Variants in DAGLB observed in about 807,000 individuals in gnomAD.
The protein encoded by DAGLB is diacylglycerol lipase-beta.
DAGLB carries 66 observed loss-of-function variants against 72.1 expected under a neutral mutation model. That is an observed-to-expected ratio of 0.92 (90% CI 0.75 to 1.12). The LOEUF is 1.12. DAGLB is among the 50% of genes most tolerant of loss of function. The pLI is 0.00. For missense variants in DAGLB, 1,065 were observed against 884.9 expected, an observed-to-expected ratio of 1.20 and a Z score of -2.58; for synonymous variants, 414 against 359.5, an observed-to-expected ratio of 1.15 and a Z score of -1.71.
rs764337590 is a variant in DAGLB at position 6,409,964 on chromosome 7, ATG to A, written c.1890_1891del (p.Ile631ArgfsTer62). 1 of 1,614,112 alleles carries A rather than the reference ATG, an allele frequency of 6.2e-7. No individual in the cohort carries two copies. Among genetic ancestry groups the A allele is most frequent in the South Asian group, 1.1e-5 (1 of 91,092 alleles). On this transcript the variant is annotated frameshift_variant, in exon 15 of 15. Coordinates refer to ENST00000297056, the MANE Select transcript of DAGLB (RefSeq NM_139179.4). LOFTEE classifies it low-confidence loss of function (END_TRUNC). Reference sequence around the variant, plus strand: ...GTGGTCGGTGAGCATCTTCGGACCTATGAGTATTTTGCTGAATTCCGCTTCGT... The same window carrying A: ...GTGGTCGGTGAGCATCTTCGGACCTAAGTATTTTGCTGAATTCCGCTTCGT...
intron 11 of DAGLB, among the ~76,000 whole-genome samples, chr7:6,414,058 T>C (rs1783823386): frequency 2.0e-5 from 3 of 152,204 alleles, no homozygotes; most frequent in African/African-American, 4.8e-5. Context: ...TCTCCCAGGC[T>C]GGAGTGCAGC....
At chr7:6,410,427 C>G in intron 13 of DAGLB, 47 bp from the exon 14 acceptor site, 1 of 1,548,290 alleles carries the variant, frequency 6.5e-7, no homozygotes, top group African/African-American at 1.4e-5. Context: ...CACCCTCTGT[C>G]ACCCGAGACC....
At chr7:6,428,707 G>A (rs376847197) in intron 6 of DAGLB, among the ~76,000 whole-genome samples, 2 of 152,146 alleles carry the variant, frequency 1.3e-5, no homozygotes, top group Admixed American at 6.6e-5. Flanking sequence ...GGATGGTCTT[G>A]AACTCCTGAC....
chr7:6,412,994 G>A lies in DAGLB; in HGVS notation c.1468C>T (p.Leu490Phe). Residue 490 changes from leucine (L) to phenylalanine (F), a missense_variant, in exon 12 of 15, where the codon CTC becomes TTC. Physicochemically the swap from Leu to Phe is conservative, Grantham distance 22. Transcript: ENST00000297056. ...QEYSQSFIVS[L>F]VLGKDVIPRL... ...GGAATCACATCCTTCCCCAGGACGA[G>A]TGACACGATGAAGCTCTGAGAATAT... 4 of 1,614,016 alleles carry A rather than the reference G, an allele frequency of 2.5e-6. No homozygotes were observed. The South Asian group carries it at 4.4e-5, about 18-fold the overall frequency.
chr7:6,437,172 A>AAT (rs1278829589), intron 2 of DAGLB, among the ~76,000 whole-genome samples: 1 of 147,272 alleles, frequency 6.8e-6, no homozygotes, highest in Non-Finnish European at 1.5e-5. Flanking sequence ...AATAATAATA[A>AAT]TAATAATAAT....
chr7:6,431,309 C>T (rs1302437044), intron 5 of DAGLB, among the ~76,000 whole-genome samples: 3 of 152,062 alleles, frequency 2.0e-5, no homozygotes, highest in Non-Finnish European at 4.4e-5. Context: ...AAAAACATAA[C>T]AACCTGTGGC....
chr7:6,447,278 C>A (rs773409266), intron 1 of DAGLB, among the ~76,000 whole-genome samples: 1 of 152,234 alleles, frequency 6.6e-6, no homozygotes, highest in African/African-American at 2.4e-5. Flanking sequence ...CTGCTTCTCA[C>A]GAAATGCAGC....
In DAGLB at chr7:6,416,813, A is replaced by G. The variant is rs376622836; in HGVS notation, c.1299+28T>C. 6 of 1,614,116 alleles carry G rather than the reference A, an allele frequency of 3.7e-6. No homozygotes were observed. The African/African-American group carries it at 8.0e-5, about 22-fold the overall frequency. On this transcript the variant is annotated intron_variant, in intron 10 of 14. Coordinates refer to ENST00000297056, the MANE Select transcript of DAGLB (RefSeq NM_139179.4). ...AAAAACAACAGCTCCAAAGAGGACAAGGAAAGAAACGTTAACTAAGATCTC... is the reference window on the plus strand; with the variant it reads ...AAAAACAACAGCTCCAAAGAGGACAGGGAAAGAAACGTTAACTAAGATCTC...
chr7:6,413,217 G>A (rs973161684), intron 11 of DAGLB, among the ~76,000 whole-genome samples, 183 bp from the exon 12 acceptor site: 11 of 152,176 alleles, frequency 7.2e-5, no homozygotes, highest in Non-Finnish European at 4.4e-5. Flanking sequence ...TCCTACTAAA[G>A]CCACAATATG....
intron 6 of DAGLB, among the ~76,000 whole-genome samples, chr7:6,430,152 C>A (rs1038172869): frequency 1.3e-5 from 2 of 150,748 alleles, no homozygotes; most frequent in African/African-American, 4.9e-5. Flanking sequence ...TTGTGGTGAG[C>A]TGAGATCACG....
intron 1 of DAGLB, among the ~76,000 whole-genome samples, chr7:6,446,381 G>T (rs1256282808): frequency 6.9e-6 from 1 of 144,460 alleles, no homozygotes; most frequent in Non-Finnish European, 1.5e-5. Context: ...GAGAGGCTGA[G>T]ACAGGAGAAT....
chr7:6,420,423 G>C (rs1406345688), intron 9 of DAGLB, among the ~76,000 whole-genome samples: 1 of 146,324 alleles, frequency 6.8e-6, no homozygotes, highest in Non-Finnish European at 1.5e-5. Flanking sequence ...CTGGACGACA[G>C]AGCAAGACTC....
At position 6,435,002 on chromosome 7, in the gene DAGLB, G is replaced by A. The variant is rs1784609214; in HGVS notation, c.438C>T (p.Ala146=). The change falls in exon 4 of 15, where the codon GCC becomes GCT. Residue 146 remains alanine, a synonymous_variant. Coordinates refer to ENST00000297056, the MANE Select transcript of DAGLB (RefSeq NM_139179.4). ...AGACAATGATAATGGAAACCACTGTGGCAGCGATGATGATCCAACTGCAAG... is the reference window on the plus strand; with the variant it reads ...AGACAATGATAATGGAAACCACTGTAGCAGCGATGATGATCCAACTGCAAG... ...TVVVSWIIIA[A]TVVSIIIVFD... 6.2e-7 allele frequency: 1 copy of A among 1,613,478 alleles called. No individual in the cohort carries two copies. The highest frequency in any genetic ancestry group is 8.5e-7 in the Non-Finnish European group (1 of 1,180,034).
At chr7:6,428,200 G>C (rs1784370828) in intron 6 of DAGLB, among the ~76,000 whole-genome samples, 1 of 151,026 alleles carries the variant, frequency 6.6e-6, no homozygotes. Context: ...CAAAAAACTA[G>C]CCGAGTATGG....
chr7:6,436,517 A>G lies in DAGLB; in HGVS notation c.264T>C (p.Pro88=). ...GCTTAGACATAGACTTCCGCGGTCC[A>G]GGGTTACAAATCGTTCCTGAAATAC... ...CVSMRGTICN[P]GPRKSMSKLL... is the part of the protein sequence containing the mutation. Residue 88 remains proline, a synonymous_variant, in exon 3 of 15, where the codon CCT becomes CCC. Coordinates refer to ENST00000297056, the MANE Select transcript of DAGLB (RefSeq NM_139179.4). The G allele has an allele frequency of 6.2e-7, 1 of 1,614,088 alleles. No homozygotes were observed.
chr7:6,447,500 G>C (rs4724806), intron 1 of DAGLB, among the ~76,000 whole-genome samples: 126,427 of 151,922 alleles, frequency 0.83, 53,016 homozygotes, highest in African/African-American at 0.93. Flanking sequence ...CGCGGACTTC[G>C]AAACCCCCTG....
intron 2 of DAGLB, among the ~76,000 whole-genome samples, chr7:6,439,822 C>T (rs977103187): frequency 2.0e-5 from 3 of 151,454 alleles, no homozygotes; most frequent in Admixed American, 6.6e-5. Flanking sequence ...GAGGGCAAGG[C>T]GGGTGGATCA....
chr7:6,414,815 G>A (rs1313860639), intron 11 of DAGLB, among the ~76,000 whole-genome samples: 3 of 151,064 alleles, frequency 2.0e-5, no homozygotes, highest in Non-Finnish European at 3.0e-5. Flanking sequence ...AGATATGGAC[G>A]ATGGAAAAAA....
At chr7:6,411,874 GT>G (rs1054338200) in intron 13 of DAGLB, among the ~76,000 whole-genome samples, 5 of 151,902 alleles carry the variant, frequency 3.3e-5, no homozygotes, top group Admixed American at 3.3e-4. Flanking sequence ...TAATTTTTAA[GT>G]TTTTTTTCTT....
Sources: gnomAD v4.1 joint callset for allele counts (sites outside exome capture counted in the v4.1 genomes callset) on GRCh38, gnomAD v4.1.1 for gene constraint, MANE v1.5 for transcripts, NCBI Gene and HGNC (gene_info 2026-07-23, HGNC 2026-07-21) for gene names.